The following LNX1 variants were observed in gnomAD, a reference collection of about 807,000 sequenced individuals.
The protein encoded by LNX1 is ligand of numb-protein X 1.
In LNX1, 54 loss-of-function variants were observed where a neutral mutation model predicts 68.4. That is an observed-to-expected ratio of 0.79 (90% CI 0.63 to 0.99). The LOEUF (loss-of-function observed/expected upper bound fraction) is 0.99. Among genes scored for constraint, LNX1 ranks in the 50% least tolerant of loss-of-function variants. The probability of loss-of-function intolerance (pLI) is 0.00; values close to 1 mark genes in which losing one functional copy is unlikely to be tolerated. For missense variants in LNX1, 906 were observed against 926.4 expected (o/e 0.98, Z 0.29); for synonymous variants, 336 against 350.0 (o/e 0.96, Z 0.45).
Position 53,478,661 on chromosome 4 carries a change from C to T in LNX1, c.1567G>A (p.Ala523Thr), listed in dbSNP as rs531904689. The change falls in exon 8 of 11, where the codon GCA becomes ACA. Residue 523 changes from alanine (A) to threonine (T), a missense_variant. Physicochemically the swap from Ala to Thr is moderately conservative, Grantham distance 58. Transcript: ENST00000263925. ...CATTCTCTATGTGATGCTCCCCCTG[C>T]GACGGTCATGCCGAGAGATTCACCG... is the stretch of plus-strand genomic sequence containing the variant. ...DPGESLGMTV[A>T]GGASHREWDL... 13 of 1,613,948 alleles carry T rather than the reference C, an allele frequency of 8.1e-6. No individual in the cohort carries two copies. Among genetic ancestry groups the T allele is most frequent in the East Asian group, 2.2e-5 (1 of 44,896 alleles).
intron 6 of LNX1, among the ~76,000 whole-genome samples, chr4:53,492,421 ACAGGCCACAAGACGTATGGCATTG>A (rs1267472325): frequency 7.9e-5 from 12 of 151,552 alleles, no homozygotes; most frequent in African/African-American, 2.9e-4. Flanking sequence ...TGGAGAGAGA[ACAGGCCACAAGACGTATGGCATTG>A]CAGGCCATAG....
intron 2 of LNX1, among the ~76,000 whole-genome samples, chr4:53,596,904 A>C (rs1377785826): frequency 1.3e-5 from 2 of 152,166 alleles, no homozygotes; most frequent in Non-Finnish European, 2.9e-5. Context: ...CTGAGAATGC[A>C]ACTCTCTACT....
Position 53,459,424 on chromosome 4 carries a change from G to A in LNX1, c.*1483C>T, listed in dbSNP as rs1721320600. 6.2e-7 allele frequency: 1 copy of A among 1,612,908 alleles called. No homozygotes were observed. The highest frequency in any genetic ancestry group is 1.3e-5 in the African/African-American group (1 of 74,632). On this transcript the variant is annotated 3_prime_UTR_variant, in exon 11 of 11. Transcript: ENST00000263925. ...AGTGAGCCTGCCCCTGAACAGGAGA[G>A]CACCGAAGCTACACCTGCAGAATAG...
At position 53,470,205 on chromosome 4, in the gene LNX1, G is replaced by A. The variant is rs190843258; in HGVS notation, c.1892+6548C>T. On this transcript the variant is annotated intron_variant, in intron 9 of 10. Coordinates refer to ENST00000263925, the MANE Select transcript of LNX1 (RefSeq NM_001126328.3). Reference sequence around the variant, plus strand: ...GTTCAACATATGCAAATCAATAAACGTAATCCAGCATATAAACAAAACCAA... The same window carrying A: ...GTTCAACATATGCAAATCAATAAACATAATCCAGCATATAAACAAAACCAA... Among the ~76,000 whole-genome samples the A allele has an allele frequency of 3.0e-4, 46 of 152,278 alleles. No homozygotes were observed. The East Asian group carries it at 7.3e-3, about 24-fold the overall frequency.
intron 1 of LNX1, among the ~76,000 whole-genome samples, chr4:53,650,568 T>C (rs1390834115): frequency 6.6e-6 from 1 of 152,178 alleles, no homozygotes; most frequent in Non-Finnish European, 1.5e-5. Flanking sequence ...TTTCTATACA[T>C]ATAGATTAAC....
intron 2 of LNX1, among the ~76,000 whole-genome samples, chr4:53,546,236 A>G (rs1577692459): frequency 6.6e-6 from 1 of 152,354 alleles, no homozygotes; most frequent in African/African-American, 2.4e-5. Flanking sequence ...CTGGAAGAGC[A>G]TATTCAGACA....
At chr4:53,560,857 G>T (rs1386304729) in intron 2 of LNX1, among the ~76,000 whole-genome samples, 1 of 152,136 alleles carries the variant, frequency 6.6e-6, no homozygotes, top group African/African-American at 2.4e-5. Context: ...TCCATTACCT[G>T]CCATCTGATG....
chr4:53,651,288 C>T (rs1735086802), intron 1 of LNX1, among the ~76,000 whole-genome samples: 1 of 152,170 alleles, frequency 6.6e-6, no homozygotes, highest in African/African-American at 2.4e-5. Context: ...TTAGGGGAGC[C>T]CCACCCCCAT....
intron 2 of LNX1, 69 bp downstream of exon 2, chr4:53,573,554 T>TG: frequency 3.8e-6 from 4 of 1,043,804 alleles, no homozygotes; most frequent in South Asian, 3.0e-5. Context: ...CTCAGGAGAC[T>TG]GGGGGGTGGA....
intron 1 of LNX1, among the ~76,000 whole-genome samples, chr4:53,637,385 T>C (rs1422015464): frequency 6.6e-6 from 1 of 151,852 alleles, no homozygotes; most frequent in Non-Finnish European, 1.5e-5. Flanking sequence ...TAGGGGTCCA[T>C]GGTGCAGCTC....
At chr4:53,567,804 TA>T in intron 2 of LNX1, among the ~76,000 whole-genome samples, 1 of 152,032 alleles carries the variant, frequency 6.6e-6, no homozygotes, top group South Asian at 2.1e-4. Flanking sequence ...TAAAAAATGA[TA>T]AAGGGGATAT....
At position 53,476,238 on chromosome 4, in the gene LNX1, C is replaced by T. The variant is rs1376904747; in HGVS notation, c.1892+515G>A. Among the ~76,000 whole-genome samples the T allele has an allele frequency of 2.0e-5, 3 of 152,102 alleles. No homozygotes were observed. In the East Asian group the frequency reaches 5.8e-4, roughly 29 times the overall value. ...ATTTGAACCCAGGAGGCCAAGGTTG[C>T]AGTGAGCCGAGATTGCACCACTGCA... On this transcript the variant is annotated intron_variant, in intron 9 of 10. Coordinates refer to ENST00000263925, the MANE Select transcript of LNX1 (RefSeq NM_001126328.3).
exon 1 of LNX1, chr4:53,617,370 T>C (rs1733717221): frequency 6.6e-6 from 1 of 152,206 alleles, no homozygotes; most frequent in African/African-American, 2.4e-5. Flanking sequence ...CAGACTAACC[T>C]GTGTTAGCAA....
intron 4 of LNX1, among the ~76,000 whole-genome samples, 178 bp downstream of exon 4, chr4:53,507,139 T>C (rs780473333): frequency 1.3e-5 from 2 of 152,220 alleles, no homozygotes; most frequent in Non-Finnish European, 2.9e-5. Context: ...AAAAAGATGA[T>C]AATACTTTCT....
Position 53,497,481 on chromosome 4 carries a change from G to T in LNX1, c.979-1087C>A, listed in dbSNP as rs558301253. The stretch of plus-strand genomic sequence containing the variant: ...AGAGGCTCCCTCATGCAAAGGCAAA[G>T]CTCACCACCTTTGTCCAAGCACAGG... On this transcript the variant is annotated intron_variant, in intron 5 of 10. Coordinates refer to ENST00000263925, the MANE Select transcript of LNX1 (RefSeq NM_001126328.3). Among the ~76,000 whole-genome samples, 5 of 152,316 alleles carry T rather than the reference G, an allele frequency of 3.3e-5. No homozygotes were observed. In the East Asian group the frequency reaches 9.6e-4, roughly 29 times the overall value.
chr4:53,499,591 T>A lies in LNX1; in HGVS notation c.776-748A>T, dbSNP rs550750618. ...CTGAAGTTTACTGAATTAATAGAAGTGAATGAATCATTTTTAATGGAATGA... is the reference window on the plus strand; with the variant it reads ...CTGAAGTTTACTGAATTAATAGAAGAGAATGAATCATTTTTAATGGAATGA... On this transcript the variant is annotated intron_variant, in intron 4 of 10. Coordinates refer to ENST00000263925, the MANE Select transcript of LNX1 (RefSeq NM_001126328.3). 2.0e-5 allele frequency among the ~76,000 whole-genome samples: 3 copies of A among 152,334 alleles called. No individual in the cohort carries two copies. The South Asian group carries it at 6.2e-4, about 32-fold the overall frequency.
At chr4:53,528,781 T>C (rs1195428713) in intron 2 of LNX1, among the ~76,000 whole-genome samples, 1 of 152,000 alleles carries the variant, frequency 6.6e-6, no homozygotes, top group Non-Finnish European at 1.5e-5. Flanking sequence ...CCTGGCACCA[T>C]CTCCCTGGAA....
chr4:53,492,039 G>A (rs1187773577), intron 6 of LNX1, among the ~76,000 whole-genome samples: 1 of 152,084 alleles, frequency 6.6e-6, no homozygotes, highest in Non-Finnish European at 1.5e-5. Context: ...CACCCGCCTC[G>A]GCCTCCCAAA....
chr4:53,595,684 G>C (rs1243005287), upstream of LNX1, among the ~76,000 whole-genome samples: 3 of 152,134 alleles, frequency 2.0e-5, no homozygotes, highest in African/African-American at 7.2e-5. Flanking sequence ...TTTTTGATTA[G>C]TTTGAATTCC....
Sources: gnomAD v4.1 joint callset for allele counts (sites outside exome capture counted in the v4.1 genomes callset) on GRCh38, gnomAD v4.1.1 for gene constraint, MANE v1.5 for transcripts, NCBI Gene and HGNC (gene_info 2026-07-23, HGNC 2026-07-21) for gene names.